Variants in SPIDR observed in about 807,000 individuals in gnomAD.
The protein encoded by SPIDR is DNA repair-scaffolding protein.
A neutral mutation model predicts 104.6 loss-of-function variants in SPIDR; 93 were observed. The observed-to-expected ratio is 0.89, with a 90% confidence interval of 0.75 to 1.06. The LOEUF (loss-of-function observed/expected upper bound fraction) is 1.06. Ranked by LOEUF, SPIDR falls within the 50% of genes least tolerant of loss-of-function variation. The pLI, the probability that SPIDR is intolerant of heterozygous loss-of-function variation, is 0.00. For missense variants in SPIDR, 1,154 were observed against 1,111.2 expected (o/e 1.04, Z -0.55); for synonymous variants, 431 against 416.9 (o/e 1.03, Z -0.41).
chr8:47,423,805 G>T (rs2065971808), intron 7 of SPIDR, among the ~76,000 whole-genome samples: 1 of 152,132 alleles, frequency 6.6e-6, no homozygotes, highest in Non-Finnish European at 1.5e-5. Context: ...CTGTGGCATA[G>T]AGAATGGACA....
chr8:47,367,529 C>CT (rs1297402188), intron 5 of SPIDR, among the ~76,000 whole-genome samples: 4 of 152,172 alleles, frequency 2.6e-5, no homozygotes, highest in African/African-American at 4.8e-5. Flanking sequence ...CAATAGGAAA[C>CT]TAACAAAGTT....
intron 7 of SPIDR, among the ~76,000 whole-genome samples, chr8:47,415,211 C>G (rs1210327834): frequency 6.6e-6 from 1 of 152,004 alleles, no homozygotes; most frequent in Non-Finnish European, 1.5e-5. Context: ...CCTATTCTGC[C>G]CTTTTAAAAC....
intron 8 of SPIDR, among the ~76,000 whole-genome samples, chr8:47,489,039 T>C: frequency 6.6e-6 from 1 of 152,218 alleles, no homozygotes; most frequent in Non-Finnish European, 1.5e-5. Context: ...GGGTATTCAA[T>C]TAGGAAAAGA....
At chr8:47,647,655 G>GAGAGAGAGAGGGAGAGA (rs1299640663) in intron 10 of SPIDR, among the ~76,000 whole-genome samples, 1 of 50,168 alleles carries the variant, frequency 2.0e-5, no homozygotes, top group Non-Finnish European at 4.0e-5. Context: ...AGAGAGAGAG[G>GAGAGAGAGAGGGAGAGA]GAGAGAGAGA....
At chr8:47,659,725 T>A in intron 10 of SPIDR, 2 of 985,408 alleles carry the variant, frequency 2.0e-6, no homozygotes, top group Non-Finnish European at 2.4e-6. Context: ...GCTCCCTTTT[T>A]TTCTCTCTCT....
At chr8:47,708,316 C>G (rs1385060924) in intron 14 of SPIDR, among the ~76,000 whole-genome samples, 1 of 152,056 alleles carries the variant, frequency 6.6e-6, no homozygotes, top group Non-Finnish European at 1.5e-5. Context: ...AACAAACAAA[C>G]AAAAAACTTT....
chr8:47,390,221 T>C (rs1449892434), intron 5 of SPIDR, among the ~76,000 whole-genome samples: 2 of 152,076 alleles, frequency 1.3e-5, no homozygotes, highest in Non-Finnish European at 2.9e-5. Context: ...CAGTTGCCAG[T>C]GTAGTTGAGA....
rs536336414 is a variant in SPIDR, at chr8:47,661,676, C to T, written c.1545-12125C>T. Among the ~76,000 whole-genome samples, 9 of 152,344 alleles carry T rather than the reference C, an allele frequency of 5.9e-5. No homozygotes were observed. The South Asian group carries it at 8.3e-4, about 14-fold the overall frequency. ...GCAGAGCACAACCACACACAGTGAG[C>T]GTCTGCTCCTCAACTTGGGTGCTGG... On this transcript the variant is annotated intron_variant, in intron 10 of 19. Transcript: ENST00000297423.
intron 2 of SPIDR, among the ~76,000 whole-genome samples, chr8:47,280,273 T>G (rs1243457357): frequency 6.6e-6 from 1 of 152,014 alleles, no homozygotes; most frequent in East Asian, 1.9e-4. Flanking sequence ...AGACAGAGTC[T>G]CACTTTGTTG....
At chr8:47,667,935 G>A (rs946745006) in intron 10 of SPIDR, 4 of 151,872 alleles carry the variant, frequency 2.6e-5, no homozygotes, top group African/African-American at 9.7e-5. Context: ...GCATCTTCAT[G>A]CTATTAAGTT....
At chr8:47,635,559 A>T (rs902321910) in intron 10 of SPIDR, among the ~76,000 whole-genome samples, 2 of 152,178 alleles carry the variant, frequency 1.3e-5, no homozygotes, top group Non-Finnish European at 2.9e-5. Context: ...CCAAGCATCA[A>T]AAAACAGATT....
intron 3 of SPIDR, 92 bp from the exon 4 acceptor site, chr8:47,290,941 G>T: frequency 1.1e-6 from 1 of 901,504 alleles, no homozygotes; most frequent in Non-Finnish European, 1.7e-6. Flanking sequence ...TTGTGTATTT[G>T]TGACTTTGGC....
intron 11 of SPIDR, among the ~76,000 whole-genome samples, chr8:47,691,322 A>G (rs1201835889): frequency 2.0e-5 from 3 of 152,026 alleles, no homozygotes; most frequent in Non-Finnish European, 2.9e-5. Context: ...AGAGAAAAGA[A>G]AAAGAAAAAT....
chr8:47,621,259 C>T (rs940001209), intron 10 of SPIDR, among the ~76,000 whole-genome samples: 9 of 152,208 alleles, frequency 5.9e-5, no homozygotes, highest in Non-Finnish European at 1.0e-4. Flanking sequence ...CCGGCCAATT[C>T]ATATGGGTTT....
intron 5 of SPIDR, among the ~76,000 whole-genome samples, chr8:47,392,396 T>C (rs560888701): frequency 3.3e-5 from 5 of 152,342 alleles, no homozygotes; most frequent in African/African-American, 9.6e-5. Context: ...TTTGTATTTT[T>C]AGTTTAGTTT....
At chr8:47,461,898 T>C (rs1472304512) in intron 8 of SPIDR, among the ~76,000 whole-genome samples, 1 of 152,164 alleles carries the variant, frequency 6.6e-6, no homozygotes, top group South Asian at 2.1e-4. Context: ...ATTGGTATTA[T>C]GAATTCTTTT....
intron 7 of SPIDR, among the ~76,000 whole-genome samples, chr8:47,417,215 A>G (rs2064504931): frequency 6.6e-6 from 1 of 152,218 alleles, no homozygotes; most frequent in Admixed American, 6.5e-5. Flanking sequence ...GACTTCCACA[A>G]TGATTGAACT....
chr8:47,364,123 A>C (rs2056725985), intron 5 of SPIDR, among the ~76,000 whole-genome samples: 1 of 152,174 alleles, frequency 6.6e-6, no homozygotes, highest in South Asian at 2.1e-4. Context: ...CTAAATAGGA[A>C]ATAAAACGTT....
intron 8 of SPIDR, among the ~76,000 whole-genome samples, chr8:47,465,187 C>T (rs2074574290): frequency 6.6e-6 from 1 of 152,166 alleles, no homozygotes; most frequent in Non-Finnish European, 1.5e-5. Context: ...TTTGTTACTA[C>T]CTGACCTGAC....
Sources: gnomAD v4.1 joint callset for allele counts (sites outside exome capture counted in the v4.1 genomes callset) on GRCh38, gnomAD v4.1.1 for gene constraint, MANE v1.5 for transcripts, NCBI Gene and HGNC (gene_info 2026-07-23, HGNC 2026-07-21) for gene names.